The following UTRN variants were observed in gnomAD, a reference collection of about 807,000 sequenced individuals.
The protein encoded by UTRN is utrophin.
In UTRN, 283 loss-of-function variants were observed where a neutral mutation model predicts 463.9. That is an observed-to-expected ratio of 0.61 (90% CI 0.55 to 0.67). The LOEUF (loss-of-function observed/expected upper bound fraction) is 0.67, where lower values mean the gene tolerates loss of function less well. Ranked by LOEUF, UTRN falls within the 30% of genes least tolerant of loss-of-function variation. The pLI is 0.00. For synonymous variants in UTRN, 1,442 were observed against 1,431.5 expected (o/e 1.01, Z -0.17); for missense variants, 3,922 against 4,084.3 (o/e 0.96, Z 1.08).
At chr6:144,387,253 A>G (rs1314766369) in intron 2 of UTRN, among the ~76,000 whole-genome samples, 1 of 152,052 alleles carries the variant, frequency 6.6e-6, no homozygotes, top group Non-Finnish European at 1.5e-5. Context: ...AGAGATTCTC[A>G]TGTCTCAGCC....
intron 2 of UTRN, among the ~76,000 whole-genome samples, chr6:144,372,139 C>T (rs1045574969): frequency 6.6e-6 from 1 of 152,230 alleles, no homozygotes; most frequent in Non-Finnish European, 1.5e-5. Context: ...GTGCAAAGCA[C>T]CAGTAATACT....
chr6:144,315,582 A>G (rs1775228599), intron 2 of UTRN, among the ~76,000 whole-genome samples: 1 of 152,244 alleles, frequency 6.6e-6, no homozygotes, highest in Admixed American at 6.5e-5. Flanking sequence ...AGACCAAGGC[A>G]GCCCTTTTGC....
intron 51 of UTRN, among the ~76,000 whole-genome samples, chr6:144,615,151 T>C (rs1313324873): frequency 6.6e-6 from 1 of 152,162 alleles, no homozygotes; most frequent in East Asian, 1.9e-4. Context: ...ATACTTACAT[T>C]GAAAGAATGT....
Position 144,774,295 on chromosome 6 carries a change from C to G in UTRN, c.8563C>G (p.Leu2855Val). The change falls in exon 60 of 75, where the codon CTG becomes GTG. Residue 2855 changes from leucine (L) to valine (V), a missense_variant. Physicochemically the swap from Leu to Val is conservative, Grantham distance 32 (BLOSUM62 1). Coordinates refer to ENST00000367545, the MANE Select transcript of UTRN (RefSeq NM_007124.3). ...MTELFQSLAD[L>V]NNVRFSAYRT... ...TGTTTCTTTTTCTATTTCAGCTGAC[C>G]TGAATAATGTACGTTTTTCTGCCTA... 1.9e-6 allele frequency: 3 copies of G among 1,601,344 alleles called. No individual in the cohort carries two copies. Among genetic ancestry groups the G allele is most frequent in the Non-Finnish European group, 2.6e-6 (3 of 1,175,992 alleles).
chr6:144,696,348 G>C (rs1216163528), intron 52 of UTRN, among the ~76,000 whole-genome samples: 3 of 151,900 alleles, frequency 2.0e-5, no homozygotes, highest in African/African-American at 7.3e-5. Context: ...AGCCATATGT[G>C]GCCTAATGAG....
chr6:144,588,436 T>G (rs904976714), intron 51 of UTRN, among the ~76,000 whole-genome samples: 4 of 152,190 alleles, frequency 2.6e-5, no homozygotes, highest in Non-Finnish European at 5.9e-5. Flanking sequence ...AAAGAATAAC[T>G]AATACATTCT....
chr6:144,677,127 C>A (rs1781698840), intron 51 of UTRN, among the ~76,000 whole-genome samples: 1 of 152,068 alleles, frequency 6.6e-6, no homozygotes, highest in South Asian at 2.1e-4. Flanking sequence ...AATTTAAGTT[C>A]TGGGATACAT....
At chr6:144,357,543 A>T (rs1431485568) in intron 2 of UTRN, among the ~76,000 whole-genome samples, 1 of 152,168 alleles carries the variant, frequency 6.6e-6, no homozygotes, top group Non-Finnish European at 1.5e-5. Flanking sequence ...TCTGTTACTG[A>T]TTCTATGGTA....
intron 51 of UTRN, among the ~76,000 whole-genome samples, chr6:144,670,589 C>T (rs1197544175): frequency 1.3e-5 from 2 of 151,650 alleles, no homozygotes; most frequent in Admixed American, 1.3e-4. Context: ...ATGGGCTGTC[C>T]ATTTCCTCTT....
chr6:144,304,443 G>A (rs965020074), intron 2 of UTRN, among the ~76,000 whole-genome samples: 1 of 152,130 alleles, frequency 6.6e-6, no homozygotes, highest in Non-Finnish European at 1.5e-5. Flanking sequence ...GAGAGGGCAG[G>A]TACACAGGAA....
intron 33 of UTRN, 148 bp downstream of exon 33, chr6:144,493,604 C>T (rs1021287012): frequency 1.4e-4 from 117 of 810,622 alleles, no homozygotes; most frequent in Non-Finnish European, 1.7e-4. Flanking sequence ...TACGTGTTTT[C>T]AATTTATTGT....
chr6:144,724,025 AAAAAG>A, intron 53 of UTRN, among the ~76,000 whole-genome samples: 1 of 150,542 alleles, frequency 6.6e-6, no homozygotes, highest in African/African-American at 2.4e-5. Context: ...AAAAAAAAAA[AAAAAG>A]AAAGAAAAAA....
At chr6:144,625,621 C>G (rs1775863873) in intron 51 of UTRN, among the ~76,000 whole-genome samples, 1 of 152,166 alleles carries the variant, frequency 6.6e-6, no homozygotes, top group African/African-American at 2.4e-5. Flanking sequence ...GTGCCATGTT[C>G]AGTGAGAAGC....
At chr6:144,726,013 G>A (rs71564487) in intron 53 of UTRN, among the ~76,000 whole-genome samples, 5 of 152,084 alleles carry the variant, frequency 3.3e-5, no homozygotes, top group East Asian at 1.9e-4. Flanking sequence ...AGCACCCTGC[G>A]CAGAGAGGAT....
chr6:144,836,485 G>C lies in UTRN; in HGVS notation c.10009G>C (p.Asp3337His). 1.2e-6 allele frequency: 2 copies of C among 1,613,868 alleles called. No homozygotes were observed. The highest frequency in any genetic ancestry group is 8.5e-7 in the Non-Finnish European group (1 of 1,179,880). The part of the protein sequence containing the change: ...RLEARMQILE[D>H]HNKQLESQLH... Reference sequence around the variant, plus strand: ...GGAGGCTAGGATGCAGATTTTAGAAGATCACAATAAACAGCTGGAGTCTCA... The same window carrying C: ...GGAGGCTAGGATGCAGATTTTAGAACATCACAATAAACAGCTGGAGTCTCA... Residue 3337 changes from aspartate (D) to histidine (H), a missense_variant, in exon 71 of 75, where the codon GAT becomes CAT. This residue lies in a region of UTRN where 1,309 missense variants were observed against 1,452.6 expected (regional missense o/e 0.90). Coordinates refer to ENST00000367545, the MANE Select transcript of UTRN (RefSeq NM_007124.3).
intron 2 of UTRN, among the ~76,000 whole-genome samples, chr6:144,355,498 C>T (rs1778472501): frequency 2.6e-5 from 4 of 152,046 alleles, no homozygotes; most frequent in Non-Finnish European, 5.9e-5. Flanking sequence ...CATGCCTGGC[C>T]CATTTTTTCT....
chr6:144,384,364 A>G (rs758673707), intron 2 of UTRN, among the ~76,000 whole-genome samples: 3 of 152,016 alleles, frequency 2.0e-5, no homozygotes, highest in Admixed American at 6.6e-5. Context: ...CACGAACCCT[A>G]TTGTGGACTG....
At chr6:144,442,902 C>A (rs1787313913) in intron 13 of UTRN, among the ~76,000 whole-genome samples, 1 of 152,180 alleles carries the variant, frequency 6.6e-6, no homozygotes, top group South Asian at 2.1e-4. Flanking sequence ...TTCCTAGGCT[C>A]TACCCACTAC....
At chr6:144,607,760 C>G (rs1361788157) in intron 51 of UTRN, among the ~76,000 whole-genome samples, 1 of 152,146 alleles carries the variant, frequency 6.6e-6, no homozygotes, top group Non-Finnish European at 1.5e-5. Context: ...TGTCCAAAGA[C>G]TGTTGTGCCC....
Sources: gnomAD v4.1 joint callset for allele counts (sites outside exome capture counted in the v4.1 genomes callset) on GRCh38, gnomAD v4.1.1 for gene constraint, gnomAD v4.1.1 regional missense constraint, MANE v1.5 for transcripts, NCBI Gene and HGNC (gene_info 2026-07-23, HGNC 2026-07-21) for gene names.